AGMO: variants seen among roughly 807,000 people sequenced by gnomAD.
AGMO encodes glyceryl-ether monooxygenase.
AGMO carries 75 observed loss-of-function variants against 60.2 expected under a neutral mutation model. That is an observed-to-expected ratio of 1.25 (90% confidence interval 1.03 to 1.51). The LOEUF (loss-of-function observed/expected upper bound fraction) is 1.51. Among genes scored for constraint, AGMO ranks in the 40% most tolerant of loss-of-function variants. The probability of loss-of-function intolerance (pLI) is 0.00; values close to 1 mark genes in which losing one functional copy is unlikely to be tolerated. For synonymous variants in AGMO, 261 were observed against 177.1 expected (o/e 1.47, Z -3.76); for missense variants, 763 against 525.5 (o/e 1.45, Z -4.42).
At chr7:15,407,400 C>T (rs1404340481) in intron 5 of AGMO, among the ~76,000 whole-genome samples, 1 of 151,254 alleles carries the variant, frequency 6.6e-6, no homozygotes, top group Non-Finnish European at 1.5e-5. Context: ...TATAGGATTT[C>T]CATTAAAGAT....
intron 12 of AGMO, among the ~76,000 whole-genome samples, chr7:15,342,883 C>G (rs1380758268): frequency 3.3e-5 from 5 of 149,740 alleles, no homozygotes; most frequent in Non-Finnish European, 7.4e-5. Flanking sequence ...CCTCAATATC[C>G]TCATTTGAGA....
At chr7:15,253,403 G>T (rs996630702) in intron 12 of AGMO, among the ~76,000 whole-genome samples, 7 of 152,038 alleles carry the variant, frequency 4.6e-5, no homozygotes, top group African/African-American at 1.4e-4. Context: ...ATGAAGGGAG[G>T]CTATTAGTCA....
chr7:15,238,655 A>G (rs1043323652), intron 12 of AGMO, among the ~76,000 whole-genome samples: 1 of 151,828 alleles, frequency 6.6e-6, no homozygotes, highest in African/African-American at 2.4e-5. Flanking sequence ...AGGATTATAT[A>G]AATTAAAATT....
intron 4 of AGMO, among the ~76,000 whole-genome samples, chr7:15,424,482 A>G (rs771354017): frequency 1.5e-4 from 23 of 152,226 alleles, no homozygotes; most frequent in Non-Finnish European, 2.9e-4. Context: ...CATTAGAACT[A>G]TAAATGACTA....
At chr7:15,369,167 C>A (rs1246825745) in intron 10 of AGMO, among the ~76,000 whole-genome samples, 1 of 151,876 alleles carries the variant, frequency 6.6e-6, no homozygotes. Context: ...ACAATTAATA[C>A]CCTATTCCAC....
intron 5 of AGMO, among the ~76,000 whole-genome samples, chr7:15,402,879 G>A (rs1365731996): frequency 1.3e-5 from 2 of 151,460 alleles, no homozygotes; most frequent in Non-Finnish European, 3.0e-5. Context: ...CATTTATTCT[G>A]CAAATATTTA....
chr7:15,217,856 T>C (rs1781789612), intron 12 of AGMO, among the ~76,000 whole-genome samples: 1 of 152,082 alleles, frequency 6.6e-6, no homozygotes, highest in Non-Finnish European at 1.5e-5. Flanking sequence ...ACACTGTTAA[T>C]TTATTGTTCG....
intron 12 of AGMO, among the ~76,000 whole-genome samples, chr7:15,300,494 T>G (rs560171266): frequency 6.6e-6 from 1 of 151,984 alleles, no homozygotes; most frequent in South Asian, 2.1e-4. Flanking sequence ...TTAATTAAGG[T>G]GAAGAAAACT....
intron 12 of AGMO, among the ~76,000 whole-genome samples, chr7:15,300,252 G>A (rs1423048403): frequency 6.6e-6 from 1 of 150,656 alleles, no homozygotes; most frequent in Non-Finnish European, 1.5e-5. Context: ...TGCTGAGTAT[G>A]TTTAGTTGCT....
chr7:15,555,098 T>C (rs1320414259), intron 2 of AGMO, among the ~76,000 whole-genome samples: 1 of 151,786 alleles, frequency 6.6e-6, no homozygotes, highest in Admixed American at 6.6e-5. Flanking sequence ...ACAACTGTCA[T>C]TATAGCTGAG....
At chr7:15,198,050 T>C (rs1484555587), downstream of AGMO, among the ~76,000 whole-genome samples, 3 of 152,188 alleles carry the variant, frequency 2.0e-5, no homozygotes, top group African/African-American at 7.2e-5. Flanking sequence ...AATAGAGGAC[T>C]ACTCATTAAA....
At chr7:15,447,275 T>C (rs1317964001) in intron 3 of AGMO, among the ~76,000 whole-genome samples, 1 of 152,206 alleles carries the variant, frequency 6.6e-6, no homozygotes, top group African/African-American at 2.4e-5. Context: ...TGATCAATTG[T>C]GTTAATAATA....
Position 15,459,599 on chromosome 7 carries a change from T to TGTGTGTGTGTGTGTGTGTGTGTGTGTG in AGMO, c.410-28492_410-28491insCACACACACACACACACACACACACAC, listed in dbSNP as rs1554274867. On this transcript the variant is annotated intron_variant, in intron 3 of 12. Coordinates refer to ENST00000342526, the MANE Select transcript of AGMO (RefSeq NM_001004320.2). Reference sequence around the variant, plus strand: ...GATCTTTAAATGTGTGTATGTGCGTTTGTGTGTGTGTGTGTGTGTGTGTGT... The same window carrying TGTGTGTGTGTGTGTGTGTGTGTGTGTG: ...GATCTTTAAATGTGTGTATGTGCGTTGTGTGTGTGTGTGTGTGTGTGTGTGTGTGTGTGTGTGTGTGTGTGTGTGTGT... 2.0e-4 allele frequency among the ~76,000 whole-genome samples: 29 copies of TGTGTGTGTGTGTGTGTGTGTGTGTGTG among 142,234 alleles called. No homozygotes were observed. In the South Asian group the frequency reaches 2.5e-3, roughly 12 times the overall value. 93.3% of individuals were successfully genotyped at this position (142,234 alleles called of 152,430 possible).
At chr7:15,119,923 C>A in the AGMO span, among the ~76,000 whole-genome samples, 1 of 135,038 alleles carries the variant, frequency 7.4e-6, no homozygotes, top group African/African-American at 2.9e-5. Flanking sequence ...AGAGATAAAT[C>A]ATGCATGCTT....
chr7:15,271,916 G>T (rs1783622525), intron 12 of AGMO, among the ~76,000 whole-genome samples: 2 of 152,024 alleles, frequency 1.3e-5, no homozygotes, highest in African/African-American at 2.4e-5. Flanking sequence ...TACATTTATT[G>T]AGATGACCAT....
At chr7:15,239,784 A>T (rs970538728) in intron 12 of AGMO, among the ~76,000 whole-genome samples, 4 of 152,102 alleles carry the variant, frequency 2.6e-5, no homozygotes, top group Non-Finnish European at 4.4e-5. Context: ...CTTACATATT[A>T]AAAATATGTA....
the AGMO span, among the ~76,000 whole-genome samples, chr7:15,132,996 C>A: frequency 6.6e-6 from 1 of 152,044 alleles, no homozygotes; most frequent in Non-Finnish European, 1.5e-5. Flanking sequence ...TTTGACAGAA[C>A]CATTTCACTA....
At chr7:15,171,831 A>C in the AGMO span, among the ~76,000 whole-genome samples, 1 of 152,190 alleles carries the variant, frequency 6.6e-6, no homozygotes, top group African/African-American at 2.4e-5. Flanking sequence ...ATTTGGGGGA[A>C]AGATTCATGC....
downstream of AGMO, among the ~76,000 whole-genome samples, chr7:15,198,196 C>CGAGAGAGAGA (rs748392069): frequency 1.3e-3 from 104 of 77,370 alleles, 5 homozygotes; most frequent in East Asian, 3.4e-3. Context: ...AGGGCTTTCC[C>CGAGAGAGAGA]GAGAGAGAGA....
Sources: allele counts gnomAD v4.1 joint callset (sites outside exome capture counted in the v4.1 genomes callset), GRCh38; gene constraint gnomAD v4.1.1; transcripts MANE v1.5; gene names NCBI Gene and HGNC (gene_info 2026-07-23, HGNC 2026-07-21).